SLC39A8: variants seen among roughly 807,000 people sequenced by gnomAD.
The protein encoded by SLC39A8 is solute carrier family 39 member 8, also known as metal cation symporter ZIP8.
A neutral mutation model predicts 40.4 loss-of-function variants in SLC39A8; 15 were observed. That is an observed-to-expected ratio of 0.37 (90% CI 0.25 to 0.57). The LOEUF (loss-of-function observed/expected upper bound fraction) is 0.57, where lower values mean the gene tolerates loss of function less well. Among genes scored for constraint, SLC39A8 ranks in the 20% least tolerant of loss-of-function variants. The probability of loss-of-function intolerance (pLI) is 0.75; values close to 1 mark genes in which losing one functional copy is unlikely to be tolerated. For synonymous variants in SLC39A8, 223 were observed against 221.6 expected (o/e 1.01, Z -0.06); for missense variants, 472 against 558.8 (o/e 0.84, Z 1.57).
chr4:102,265,403 A>G (rs565924870), intron 8 of SLC39A8, among the ~76,000 whole-genome samples: 1 of 152,352 alleles, frequency 6.6e-6, no homozygotes, highest in Non-Finnish European at 1.5e-5. Flanking sequence ...GTCCCAAAAC[A>G]TAATAGTAAC....
chr4:102,318,723 T>C (rs1003682789), intron 2 of SLC39A8, among the ~76,000 whole-genome samples: 4 of 152,060 alleles, frequency 2.6e-5, no homozygotes, highest in Admixed American at 6.5e-5. Flanking sequence ...AACAAACAAA[T>C]TACGGAAAGG....
rs1361787746 is a variant in SLC39A8 at position 102,321,506 on chromosome 4, T to G, written c.220-5676A>C. Among the ~76,000 whole-genome samples the G allele has an allele frequency of 5.2e-4, 79 of 152,338 alleles. 2 individuals carry two copies. The highest frequency in any genetic ancestry group is 2.9e-5 in the Non-Finnish European group (2 of 68,036). ...GCCTGTTAGCAGGAACTCCGCTAGC[T>G]TTGCTGAGAGGTCGTTTTTTTCTTT... On this transcript the variant is annotated intron_variant, in intron 2 of 8. Coordinates refer to ENST00000356736, the MANE Select transcript of SLC39A8 (RefSeq NM_001135146.2).
At chr4:102,330,485 C>G (rs777799496) in intron 2 of SLC39A8, among the ~76,000 whole-genome samples, 7 of 152,112 alleles carry the variant, frequency 4.6e-5, no homozygotes, top group Non-Finnish European at 1.5e-5. Flanking sequence ...GAAGTTTAAT[C>G]CCTGAATAGA....
At chr4:102,293,869 TATA>T (rs1254780076) in intron 6 of SLC39A8, among the ~76,000 whole-genome samples, 5 of 151,580 alleles carry the variant, frequency 3.3e-5, no homozygotes, top group Non-Finnish European at 7.4e-5. Flanking sequence ...GACTAAAAAC[TATA>T]ATAATTATGG....
chr4:102,344,301 G>A (rs1184713746), intron 2 of SLC39A8, 143 bp downstream of exon 2: 2 of 587,496 alleles, frequency 3.4e-6, no homozygotes, highest in Admixed American at 7.9e-5. Flanking sequence ...TGAAAAGCAA[G>A]TGTCACCAGA....
chr4:102,269,161 T>A (rs1269200912), intron 6 of SLC39A8, among the ~76,000 whole-genome samples: 1 of 145,258 alleles, frequency 6.9e-6, no homozygotes, highest in Non-Finnish European at 1.6e-5. Context: ...TATGGATACA[T>A]TAAAAAAAAA....
intron 6 of SLC39A8, among the ~76,000 whole-genome samples, chr4:102,279,972 C>A (rs937314020): frequency 6.6e-6 from 1 of 152,168 alleles, no homozygotes; most frequent in Non-Finnish European, 1.5e-5. Context: ...CCCATAAGAC[C>A]TGCAGGCACT....
chr4:102,313,502 T>C (rs1281923079), intron 3 of SLC39A8, among the ~76,000 whole-genome samples: 1 of 152,110 alleles, frequency 6.6e-6, no homozygotes, highest in Non-Finnish European at 1.5e-5. Context: ...AACAGGCACT[T>C]TCTTTGTTAA....
At chr4:102,328,384 C>A (rs1735308955) in intron 2 of SLC39A8, among the ~76,000 whole-genome samples, 1 of 151,390 alleles carries the variant, frequency 6.6e-6, no homozygotes, top group Non-Finnish European at 1.5e-5. Context: ...AATGGAATTG[C>A]TGGTTTACCT....
Position 102,262,009 on chromosome 4 carries a change from A to T in SLC39A8, c.*1035T>A. 1 of 985,896 alleles carries T rather than the reference A, an allele frequency of 1.0e-6. No homozygotes were observed. The highest frequency in any genetic ancestry group is 1.2e-6 in the Non-Finnish European group (1 of 829,848). 61.1% of individuals were successfully genotyped at this position (985,896 alleles called of 1,614,324 possible). On this transcript the variant is annotated 3_prime_UTR_variant, in exon 9 of 9. Transcript: ENST00000356736. ...GTGCTAATTTTTTTCAAGGTATACC[A>T]TATGGAAAAGTATAGGCTGAACACA...
intron 6 of SLC39A8, among the ~76,000 whole-genome samples, chr4:102,302,506 C>A (rs149465813): frequency 1.3e-4 from 20 of 152,068 alleles, no homozygotes; most frequent in African/African-American, 4.8e-4. Flanking sequence ...CCTCAGAAAG[C>A]AATATCCTTG....
intron 2 of SLC39A8, among the ~76,000 whole-genome samples, chr4:102,330,809 C>A (rs547100500): frequency 2.6e-5 from 4 of 152,308 alleles, no homozygotes; most frequent in Admixed American, 1.3e-4. Context: ...AGCAGCACAT[C>A]AAAAAGCTTA....
chr4:102,282,171 C>A (rs988952504), intron 6 of SLC39A8, among the ~76,000 whole-genome samples: 3 of 152,186 alleles, frequency 2.0e-5, no homozygotes, highest in Admixed American at 6.5e-5. Flanking sequence ...AGCCTGTGAT[C>A]CCCAGGAGAT....
intron 6 of SLC39A8, among the ~76,000 whole-genome samples, chr4:102,301,987 C>T (rs1219288344): frequency 6.6e-6 from 1 of 151,950 alleles, no homozygotes; most frequent in East Asian, 1.9e-4. Context: ...AAGGAACTTT[C>T]CTGAAATCAG....
Position 102,263,177 on chromosome 4 carries a change from T to C in SLC39A8, c.1250A>G (p.Asp417Gly), listed in dbSNP as rs1156314557. Residue 417 changes from aspartate (D) to glycine (G), a missense_variant, in exon 9 of 9, where the codon GAT (aspartate) becomes GGT (glycine). Asp to Gly is a moderately conservative substitution (Grantham distance 94). This residue lies in a region of SLC39A8 where 8 missense variants were observed against 30.0 expected (regional missense o/e 0.27). Transcript: ENST00000356736. ...TCCAGTTACCTTTTCTCTCAGCATA[T>C]CATTCATCTCTGGAAACTAGAAGAC... Reference protein sequence around the residue: ...SLADMFPEMNDMLREKVTGRK... With the variant: ...SLADMFPEMNGMLREKVTGRK... 6.2e-7 allele frequency: 1 copy of C among 1,613,324 alleles called. No individual in the cohort carries two copies. Among genetic ancestry groups the C allele is most frequent in the Non-Finnish European group, 8.5e-7 (1 of 1,179,610 alleles).
At chr4:102,295,159 GTATATATGTAAATA>G (rs1304605346) in intron 6 of SLC39A8, among the ~76,000 whole-genome samples, 5 of 147,470 alleles carry the variant, frequency 3.4e-5, no homozygotes, top group Middle Eastern at 7.2e-3. Flanking sequence ...GTTTATATGT[GTATATATGTAAATA>G]TATATATTAT....
chr4:102,251,263 G>A (rs1449883085), exon 12 of SLC39A8: 1 of 152,084 alleles, frequency 6.6e-6, no homozygotes, highest in Non-Finnish European at 1.5e-5. Context: ...ATATATTATT[G>A]TTAGCTATAG....
chr4:102,261,108 A>G (rs1731835789), downstream of SLC39A8, among the ~76,000 whole-genome samples: 3 of 149,054 alleles, frequency 2.0e-5, no homozygotes, highest in Non-Finnish European at 4.4e-5. Context: ...ATCAGTGAGA[A>G]AGAAGCTGTA....
At chr4:102,314,484 C>A (rs1182678610) in intron 3 of SLC39A8, among the ~76,000 whole-genome samples, 1 of 152,126 alleles carries the variant, frequency 6.6e-6, no homozygotes, top group Non-Finnish European at 1.5e-5. Flanking sequence ...CCACCTCCCG[C>A]AAGGCTTCCT....
Sources: allele counts gnomAD v4.1 joint callset (sites outside exome capture counted in the v4.1 genomes callset), GRCh38; gene constraint gnomAD v4.1.1; regional missense constraint gnomAD v4.1.1; transcripts MANE v1.5; gene names NCBI Gene and HGNC (gene_info 2026-07-23, HGNC 2026-07-21).